ATP10A: variants seen among roughly 807,000 people sequenced by gnomAD.
ATP10A encodes the protein ATPase phospholipid transporting 10A (putative).
ATP10A carries 111 observed loss-of-function variants against 147.8 expected under a neutral mutation model. That is an observed-to-expected ratio of 0.75 (90% confidence interval 0.64 to 0.88). ATP10A has a LOEUF of 0.88. ATP10A is among the 40% of genes least tolerant of loss of function. The pLI is 0.00. For synonymous variants in ATP10A, 875 were observed against 841.6 expected (o/e 1.04, Z -0.69); for missense variants, 1,927 against 1,959.0 (o/e 0.98, Z 0.31).
chr15:25,739,230 C>A (rs564739665), intron 2 of ATP10A, among the ~76,000 whole-genome samples: 94 of 152,224 alleles, frequency 6.2e-4, no homozygotes, highest in African/African-American at 2.1e-3. Context: ...CCACTGCACT[C>A]GGCCTTAATT....
At position 25,707,292 on chromosome 15, in the gene ATP10A, T is replaced by C. The variant is rs57007202; in HGVS notation, c.2575+684A>G. On this transcript the variant is annotated intron_variant, in intron 12 of 20. Coordinates refer to ENST00000555815, the MANE Select transcript of ATP10A (RefSeq NM_024490.4). ...AAGTGAAGATGACCTGCCCAGGGCT[T>C]TGTGCTCGAGAAGTACCACCTGACT... is the stretch of plus-strand genomic sequence containing the variant. Among the ~76,000 whole-genome samples, 1,037 of 152,258 alleles carry C rather than the reference T, an allele frequency of 6.8e-3. 17 individuals carry two copies. Among genetic ancestry groups the C allele is most frequent in the African/African-American group, 0.024 (996 of 41,548 alleles).
intron 15 of ATP10A, among the ~76,000 whole-genome samples, chr15:25,689,773 T>A (rs997711750): frequency 6.6e-6 from 1 of 152,212 alleles, no homozygotes; most frequent in African/African-American, 2.4e-5. Flanking sequence ...GCTCAGCTGT[T>A]CCCATCACCT....
intron 2 of ATP10A, among the ~76,000 whole-genome samples, chr15:25,754,691 T>C (rs1888327247): frequency 6.6e-6 from 1 of 152,176 alleles, no homozygotes; most frequent in South Asian, 2.1e-4. Context: ...TTTCTCAAGC[T>C]CTAAATACTT....
chr15:25,760,257 G>A (rs1343501677), intron 2 of ATP10A, among the ~76,000 whole-genome samples: 1 of 152,156 alleles, frequency 6.6e-6, no homozygotes, highest in African/African-American at 2.4e-5. Context: ...AAATTATATG[G>A]GAAGCACTGT....
chr15:25,680,372 C>T (rs995986095), intron 19 of ATP10A, 64 bp from the exon 20 acceptor site: 67 of 1,523,096 alleles, frequency 4.4e-5, no homozygotes, highest in Non-Finnish European at 5.9e-5. Context: ...ATGACAATAA[C>T]AAAAACGTGC....
At position 25,726,084 on chromosome 15, in the gene ATP10A, T is replaced by C; in HGVS notation, c.848-2A>G. On this transcript the variant is annotated splice_acceptor_variant, in intron 4 of 20. Coordinates refer to ENST00000555815, the MANE Select transcript of ATP10A (RefSeq NM_024490.4). LOFTEE classifies it high-confidence loss of function. ...TCAGCAGAGCCTTGGTTTCATGTCC[T>C]GTCGGGGAGGACAAAGAGACATGGC... 1 of 1,613,356 alleles carries C rather than the reference T, an allele frequency of 6.2e-7. No homozygotes were observed. The highest frequency in any genetic ancestry group is 1.1e-5 in the South Asian group (1 of 91,024).
chr15:25,724,044 A>G (rs201515266), intron 5 of ATP10A, 23 bp from the exon 6 acceptor site: 48 of 1,490,658 alleles, frequency 3.2e-5, no homozygotes, highest in African/African-American at 4.3e-5. Flanking sequence ...TCAAAGAGAA[A>G]TGTCATTCAT....
At chr15:25,779,634 A>C (rs1432323089) in intron 2 of ATP10A, among the ~76,000 whole-genome samples, 1 of 152,128 alleles carries the variant, frequency 6.6e-6, no homozygotes, top group East Asian at 1.9e-4. Flanking sequence ...ACCTATCACC[A>C]AACCCTGGAG....
Position 25,679,564 on chromosome 15 carries a change from A to AG in ATP10A, c.4276dup (p.Leu1426ProfsTer90), listed in dbSNP as rs768534594. The AG allele has an allele frequency of 1.2e-6, 2 of 1,611,678 alleles. No individual in the cohort carries two copies. The highest frequency in any genetic ancestry group is 2.2e-5 in the East Asian group (1 of 44,822). ...GGTAGGCAGGCTGAAGAGGGAAGAC[A>AG]GGGGGGTCACCCTGCCGGTGCTGGC... On this transcript the variant is annotated frameshift_variant, in exon 21 of 21. Transcript: ENST00000555815. LOFTEE classifies it high-confidence loss of function.
chr15:25,860,118 G>C (rs866697478), intron 1 of ATP10A, among the ~76,000 whole-genome samples: 1 of 152,100 alleles, frequency 6.6e-6, no homozygotes, highest in South Asian at 2.1e-4. Flanking sequence ...GTGCTGTCTG[G>C]GTGCCAGGTC....
chr15:25,807,738 G>T (rs1021226492), intron 1 of ATP10A, among the ~76,000 whole-genome samples: 1 of 152,024 alleles, frequency 6.6e-6, no homozygotes, highest in Admixed American at 6.6e-5. Context: ...GGAGGCAGAG[G>T]TTGCAGTGAG....
At chr15:25,682,801 C>G (rs1034849837) in intron 17 of ATP10A, among the ~76,000 whole-genome samples, 4 of 152,150 alleles carry the variant, frequency 2.6e-5, no homozygotes, top group Admixed American at 2.6e-4. Context: ...TAATTCAAGG[C>G]AAAGAAAAGC....
chr15:25,784,602 A>G (rs1459928246), intron 1 of ATP10A, among the ~76,000 whole-genome samples: 7 of 152,114 alleles, frequency 4.6e-5, no homozygotes, highest in African/African-American at 1.7e-4. Context: ...GGGGTTCCTC[A>G]TGGGCTGCAG....
At chr15:25,706,049 G>A (rs906848377) in intron 12 of ATP10A, among the ~76,000 whole-genome samples, 1 of 152,188 alleles carries the variant, frequency 6.6e-6, no homozygotes, top group Non-Finnish European at 1.5e-5. Flanking sequence ...CCAATCAGAG[G>A]AAGTGGAACA....
At chr15:25,769,451 C>T (rs1488417833) in intron 2 of ATP10A, among the ~76,000 whole-genome samples, 1 of 136,036 alleles carries the variant, frequency 7.4e-6, no homozygotes, top group Non-Finnish European at 1.5e-5. Context: ...GGCACCACTG[C>T]ACTCCAGCCT....
chr15:25,829,340 A>G (rs1892255487), intron 1 of ATP10A, among the ~76,000 whole-genome samples: 1 of 152,192 alleles, frequency 6.6e-6, no homozygotes, highest in African/African-American at 2.4e-5. Flanking sequence ...CCCTGAACTT[A>G]GGCTAAGGAG....
At chr15:25,785,176 A>T (rs1890098771) in intron 1 of ATP10A, among the ~76,000 whole-genome samples, 1 of 152,104 alleles carries the variant, frequency 6.6e-6, no homozygotes, top group Non-Finnish European at 1.5e-5. Context: ...TTTCCCTAAC[A>T]GCCTTTCCTA....
At chr15:25,698,237 G>A (rs1463088467) in intron 13 of ATP10A, among the ~76,000 whole-genome samples, 1 of 152,164 alleles carries the variant, frequency 6.6e-6, no homozygotes, top group Non-Finnish European at 1.5e-5. Context: ...TGGCATACAT[G>A]AGAAATAAGT....
chr15:25,767,653 AG>A (rs1426528089), intron 2 of ATP10A, among the ~76,000 whole-genome samples: 3 of 152,246 alleles, frequency 2.0e-5, no homozygotes, highest in Non-Finnish European at 2.9e-5. Flanking sequence ...GTCAGAATGC[AG>A]GGGTGAGCCC....
Sources: allele counts gnomAD v4.1 joint callset (sites outside exome capture counted in the v4.1 genomes callset), GRCh38; gene constraint gnomAD v4.1.1; transcripts MANE v1.5; gene names NCBI Gene and HGNC (gene_info 2026-07-23, HGNC 2026-07-21).